NUSAP1: variants seen among roughly 807,000 people sequenced by gnomAD.
NUSAP1 encodes nucleolar and spindle associated protein 1, also known as nucleolar and spindle-associated protein 1.
A neutral mutation model predicts 52.8 loss-of-function variants in NUSAP1; 32 were observed. That is an observed-to-expected ratio of 0.61 (90% CI 0.46 to 0.81). NUSAP1 has a LOEUF of 0.81. NUSAP1 is among the 40% of genes least tolerant of loss of function. The pLI, the probability that NUSAP1 is intolerant of heterozygous loss-of-function variation, is 0.00. For missense variants in NUSAP1, 499 were observed against 522.3 expected (o/e 0.96, Z 0.43); for synonymous variants, 195 against 183.1 (o/e 1.06, Z -0.52).
Position 41,380,363 on chromosome 15 carries a change from C to T in NUSAP1, c.*177C>T, listed in dbSNP as rs1201395943. The stretch of plus-strand genomic sequence containing the variant: ...TATGATCTCTGAAAAGACGTTATCA[C>T]CTTAAAGCTCAAATTCTTTGGGATG... On this transcript the variant is annotated 3_prime_UTR_variant, in exon 11 of 11. Transcript: ENST00000559596. 15 of 453,222 alleles carry T rather than the reference C, an allele frequency of 3.3e-5. No individual in the cohort carries two copies. The highest frequency in any genetic ancestry group is 2.9e-4 in the South Asian group (9 of 31,332). 28.1% of individuals were successfully genotyped at this position (453,222 alleles called of 1,614,324 possible). A position where few individuals can be genotyped will look rare whatever the true frequency, so the allele number is the denominator to read the frequency against.
Position 41,333,067 on chromosome 15 carries a change from G to A in NUSAP1, c.93+17G>A. ...AACCTGAGGGTACGGCGCTGGCGGT[G>A]CGGGTCCCTGGGCGGGCGCGGCGGG... On this transcript the variant is annotated intron_variant, in intron 1 of 10. Transcript: ENST00000559596. The A allele has an allele frequency of 6.3e-7, 1 of 1,596,728 alleles. No individual in the cohort carries two copies.
chr15:41,375,303 G>A (rs940097672), intron 8 of NUSAP1, among the ~76,000 whole-genome samples: 12 of 151,494 alleles, frequency 7.9e-5, no homozygotes, highest in Admixed American at 2.0e-4. Context: ...TCAGCCTCCC[G>A]AGTAGCTGGG....
At chr15:41,359,516 G>A (rs1289844849) in intron 6 of NUSAP1, among the ~76,000 whole-genome samples, 3 of 152,146 alleles carry the variant, frequency 2.0e-5, no homozygotes, top group African/African-American at 7.2e-5. Context: ...AACTCACTGG[G>A]TGATAAATTG....
At chr15:41,352,178 G>A (rs1049333104) in intron 4 of NUSAP1, among the ~76,000 whole-genome samples, 1 of 151,880 alleles carries the variant, frequency 6.6e-6, no homozygotes, top group Non-Finnish European at 1.5e-5. Flanking sequence ...TCCTGACCTC[G>A]TGATCCACCC....
intron 6 of NUSAP1, among the ~76,000 whole-genome samples, chr15:41,364,388 A>G (rs1185630122): frequency 1.3e-5 from 2 of 151,966 alleles, no homozygotes; most frequent in African/African-American, 4.8e-5. Context: ...TCTACTAAAA[A>G]TACAAAAATT....
intron 2 of NUSAP1, among the ~76,000 whole-genome samples, chr15:41,346,407 A>T (rs1200104380): frequency 6.6e-6 from 1 of 152,088 alleles, no homozygotes; most frequent in African/African-American, 2.4e-5. Context: ...GACCTCAAGC[A>T]GTCCTCCCAC....
chr15:41,375,646 T>C, intron 8 of NUSAP1, 66 bp from the exon 9 acceptor site: 2 of 1,049,844 alleles, frequency 1.9e-6, no homozygotes, highest in Non-Finnish European at 3.0e-6. Flanking sequence ...AAGTAACACT[T>C]TGATAAACAC....
intron 7 of NUSAP1, among the ~76,000 whole-genome samples, chr15:41,368,051 G>T (rs1245626993): frequency 3.3e-5 from 5 of 152,160 alleles, no homozygotes; most frequent in African/African-American, 9.7e-5. Context: ...AGTGAAAGCT[G>T]TCTCCAAAAA....
At chr15:41,363,898 TG>T (rs2049284441) in intron 6 of NUSAP1, among the ~76,000 whole-genome samples, 1 of 152,196 alleles carries the variant, frequency 6.6e-6, no homozygotes, top group South Asian at 2.1e-4. Context: ...TCCCTCTTTT[TG>T]TTTTTTGTTT....
rs562101035 is a variant in NUSAP1, at chr15:41,346,576, C to G, written c.163-2522C>G. 1.6e-4 allele frequency among the ~76,000 whole-genome samples: 25 copies of G among 151,976 alleles called. No individual in the cohort carries two copies. In the South Asian group the frequency reaches 5.0e-3, roughly 30 times the overall value. ...GGGTGCGGTGGCTCAGGCCTGTAAT[C>G]CCAGCACTTTGGGAGGCCGAGGTGG... On this transcript the variant is annotated intron_variant, in intron 2 of 10. Coordinates refer to ENST00000559596, the MANE Select transcript of NUSAP1 (RefSeq NM_016359.5).
At chr15:41,338,886 A>G (rs1400509422) in intron 1 of NUSAP1, among the ~76,000 whole-genome samples, 1 of 151,662 alleles carries the variant, frequency 6.6e-6, no homozygotes, top group Non-Finnish European at 1.5e-5. Context: ...AATCCCTTCA[A>G]CCTGAGAGGT....
At chr15:41,365,952 C>T (rs1181473691) in intron 7 of NUSAP1, 1 of 157,378 alleles carries the variant, frequency 6.4e-6, no homozygotes, top group Non-Finnish European at 1.4e-5. Context: ...GATCTCCTGG[C>T]TTCATGATCT....
At chr15:41,335,482 G>T (rs148445385) in intron 1 of NUSAP1, among the ~76,000 whole-genome samples, 5,603 of 136,524 alleles carry the variant, frequency 0.041, 232 homozygotes, top group African/African-American at 0.11. Flanking sequence ...TTAGTATTTA[G>T]TGTGTATTAG....
intron 8 of NUSAP1, among the ~76,000 whole-genome samples, chr15:41,374,804 C>A (rs1284540562): frequency 6.6e-6 from 1 of 151,802 alleles, no homozygotes; most frequent in African/African-American, 2.4e-5. Flanking sequence ...GGATTACAGT[C>A]GTGAGCCACT....
At chr15:41,378,944 GTTTTTTTTTTTTTTT>G (rs1187469450) in intron 10 of NUSAP1, among the ~76,000 whole-genome samples, 2 of 63,270 alleles carry the variant, frequency 3.2e-5, no homozygotes, top group African/African-American at 7.0e-5. Context: ...ACTTATCTTG[GTTTTTTTTTTTTTTT>G]TTTTTTTTTT....
intron 6 of NUSAP1, among the ~76,000 whole-genome samples, chr15:41,360,607 C>T (rs1397811303): frequency 2.6e-5 from 4 of 152,042 alleles, no homozygotes; most frequent in East Asian, 3.9e-4. Context: ...TAAGCCACGG[C>T]GCCCAGCCCC....
chr15:41,340,216 C>T (rs914991328), intron 1 of NUSAP1, among the ~76,000 whole-genome samples: 1 of 152,136 alleles, frequency 6.6e-6, no homozygotes, highest in East Asian at 1.9e-4. Context: ...ACTCATGAGT[C>T]CACCTCAGGG....
intron 4 of NUSAP1, among the ~76,000 whole-genome samples, chr15:41,352,736 T>C (rs1010179900): frequency 6.6e-6 from 1 of 152,060 alleles, no homozygotes; most frequent in Non-Finnish European, 1.5e-5. Context: ...TTTGTATTTT[T>C]AGTAGAGACA....
At chr15:41,336,126 A>AG (rs1314986978) in intron 1 of NUSAP1, among the ~76,000 whole-genome samples, 1 of 151,226 alleles carries the variant, frequency 6.6e-6, no homozygotes, top group African/African-American at 2.4e-5. Flanking sequence ...CAGGCGTGGC[A>AG]GGGGGCACCT....
Sources: gnomAD v4.1 joint callset for allele counts (sites outside exome capture counted in the v4.1 genomes callset) on GRCh38, gnomAD v4.1.1 for gene constraint, MANE v1.5 for transcripts, NCBI Gene and HGNC (gene_info 2026-07-23, HGNC 2026-07-21) for gene names.